DCAF5: variants seen among roughly 807,000 people sequenced by gnomAD.
The protein encoded by DCAF5 is DDB1- and CUL4-associated factor 5.
In DCAF5, 9 loss-of-function variants were observed where a neutral mutation model predicts 80.7. The ratio of observed to expected loss-of-function variants is 0.11; its 90% CI spans 0.07 to 0.19. The LOEUF (loss-of-function observed/expected upper bound fraction) is 0.19, where lower values mean the gene tolerates loss of function less well. DCAF5 is among the 10% of genes least tolerant of loss of function. The pLI is 1.00. For missense variants in DCAF5, 842 were observed against 1,205.7 expected, an observed-to-expected ratio of 0.70 and a Z score of 4.47; for synonymous variants, 433 against 461.9, an observed-to-expected ratio of 0.94 and a Z score of 0.80.
chr14:69,101,295 C>G (rs1306032602), intron 5 of DCAF5, among the ~76,000 whole-genome samples: 1 of 152,220 alleles, frequency 6.6e-6, no homozygotes, highest in Non-Finnish European at 1.5e-5. Flanking sequence ...ACACCCTTCC[C>G]TACAATTCAG....
intron 5 of DCAF5, among the ~76,000 whole-genome samples, chr14:69,107,587 C>G (rs1331857584): frequency 6.6e-6 from 1 of 152,202 alleles, no homozygotes; most frequent in Non-Finnish European, 1.5e-5. Context: ...TGATTCTACA[C>G]CTCCACCTTG....
chr14:69,091,841 T>A lies in DCAF5; in HGVS notation c.712A>T (p.Ser238Cys), dbSNP rs1173181048. 1 of 1,614,018 alleles carries A rather than the reference T, an allele frequency of 6.2e-7. No homozygotes were observed. Among genetic ancestry groups the A allele is most frequent in the East Asian group, 2.2e-5 (1 of 44,836 alleles). The change falls in exon 6 of 9, where the codon AGT (serine) becomes TGT (cysteine). Residue 238 changes from serine to cysteine, a missense_variant. Transcript: ENST00000341516. The part of the protein sequence containing the change: ...GGNLSLQSAM[S>C]VRFNSNGTQL... The stretch of plus-strand genomic sequence containing the variant: ...GTCCCGTTGCTGTTGAATCGTACAC[T>A]CATGGCACTTTGGAGGGACAGGTTT...
chr14:69,054,046 G>A lies in DCAF5; in HGVS notation c.2640C>T (p.His880=). The part of the protein sequence containing the change: ...DNSSLTGTLL[H]KDCCGSEMAC... Reference sequence around the variant, plus strand: ...CCATTTCAGACCCGCAACAATCTTTGTGTAGGAGTGTCCCTGTCAGGGACG... The same window carrying A: ...CCATTTCAGACCCGCAACAATCTTTATGTAGGAGTGTCCCTGTCAGGGACG... The change falls in exon 9 of 9, where the codon CAC becomes CAT. Residue 880 remains histidine, a synonymous_variant. Transcript: ENST00000341516. 1 of 1,613,884 alleles carries A rather than the reference G, an allele frequency of 6.2e-7. No individual in the cohort carries two copies. Among genetic ancestry groups the A allele is most frequent in the Non-Finnish European group, 8.5e-7 (1 of 1,179,796 alleles).
chr14:69,137,501 G>T (rs564688854), intron 1 of DCAF5, among the ~76,000 whole-genome samples: 1 of 151,984 alleles, frequency 6.6e-6, no homozygotes, highest in Non-Finnish European at 1.5e-5. Context: ...AAAATTCCTT[G>T]TATACACAAA....
intron 1 of DCAF5, among the ~76,000 whole-genome samples, chr14:69,151,000 C>G (rs1250902747): frequency 1.3e-5 from 2 of 152,180 alleles, no homozygotes; most frequent in African/African-American, 4.8e-5. Context: ...CCCCCAAACT[C>G]CCTCACTCGG....
chr14:69,120,030 GTTTC>G (rs201797911), intron 2 of DCAF5, among the ~76,000 whole-genome samples: 3 of 151,496 alleles, frequency 2.0e-5, no homozygotes, highest in Non-Finnish European at 2.9e-5. Flanking sequence ...TTTTAAAAAT[GTTTC>G]TTTCTTTCTT....
rs550063886 is a variant in DCAF5, at chr14:69,083,945, CACTCTGA to C, written c.879+7722_879+7728del. ...TCTTATGTAATCTTGTCAATGAAAACACTCTGAAGGCAATAAAAGAAATGGGTTTTAC... is the reference window on the plus strand; with the variant it reads ...TCTTATGTAATCTTGTCAATGAAAACAGGCAATAAAAGAAATGGGTTTTAC... On this transcript the variant is annotated intron_variant, in intron 6 of 8. Coordinates refer to ENST00000341516, the MANE Select transcript of DCAF5 (RefSeq NM_003861.3). 18 of 781,046 alleles carry C rather than the reference CACTCTGA, an allele frequency of 2.3e-5. No homozygotes were observed. The African/African-American group carries it at 2.4e-4, about 10-fold the overall frequency. 48.4% of individuals were successfully genotyped at this position (781,046 alleles called of 1,614,324 possible).
intron 6 of DCAF5, among the ~76,000 whole-genome samples, chr14:69,082,988 C>T (rs73277024): frequency 0.02 from 3,069 of 152,262 alleles, 106 homozygotes; most frequent in African/African-American, 0.071. Flanking sequence ...ACATCAATTC[C>T]ACTTGTTCCT....
rs115844748 is a variant in DCAF5 at position 69,139,411 on chromosome 14, G to C, written c.214+13354C>G. Among the ~76,000 whole-genome samples, 1,333 of 151,784 alleles carry C rather than the reference G, an allele frequency of 8.8e-3. 17 individuals are homozygous for C. Among genetic ancestry groups the C allele is most frequent in the African/African-American group, 0.029 (1,190 of 41,366 alleles). ...GCTACTTGGGAGGCTGAGGCAGGAG[G>C]ATCAATTAAGCTTAGGAGGTCGAAG... On this transcript the variant is annotated intron_variant, in intron 1 of 8. Transcript: ENST00000341516.
At chr14:69,089,905 G>A (rs1055848410) in intron 6 of DCAF5, 8 of 983,422 alleles carry the variant, frequency 8.1e-6, no homozygotes, top group Non-Finnish European at 9.7e-6. Context: ...TAGCCAAAAT[G>A]TTAACAATGA....
intron 7 of DCAF5, among the ~76,000 whole-genome samples, chr14:69,067,871 G>A (rs1046513541): frequency 1.3e-5 from 2 of 151,920 alleles, no homozygotes; most frequent in Admixed American, 6.6e-5. Context: ...TCTTGACCTC[G>A]TGATCTGCCC....
intron 6 of DCAF5, among the ~76,000 whole-genome samples, chr14:69,080,803 A>T (rs2039071581): frequency 6.6e-6 from 1 of 152,226 alleles, no homozygotes; most frequent in Non-Finnish European, 1.5e-5. Flanking sequence ...CAACGTTCAT[A>T]TTTAATACAC....
intron 5 of DCAF5, among the ~76,000 whole-genome samples, chr14:69,103,317 C>A (rs1157340576): frequency 6.6e-6 from 1 of 152,216 alleles, no homozygotes; most frequent in Non-Finnish European, 1.5e-5. Context: ...ATAATACTCA[C>A]TACCCCCAGG....
chr14:69,095,550 T>TAC (rs71102626), intron 5 of DCAF5, among the ~76,000 whole-genome samples: 45,834 of 151,168 alleles, frequency 0.3, 9,170 homozygotes, highest in East Asian at 0.9. Flanking sequence ...TTTTTTTAAG[T>TAC]ACACACACAC....
At chr14:69,122,805 T>A (rs1396689517) in intron 1 of DCAF5, among the ~76,000 whole-genome samples, 1 of 152,208 alleles carries the variant, frequency 6.6e-6, no homozygotes, top group East Asian at 1.9e-4. Context: ...GCAATCTTCT[T>A]GATATGATCT....
chr14:69,123,400 A>T (rs931386274), intron 1 of DCAF5, among the ~76,000 whole-genome samples: 1 of 152,066 alleles, frequency 6.6e-6, no homozygotes, highest in African/African-American at 2.4e-5. Flanking sequence ...GTATGCTTAT[A>T]CTCGCATATC....
chr14:69,120,178 T>C (rs889370515), intron 2 of DCAF5, among the ~76,000 whole-genome samples: 1 of 152,074 alleles, frequency 6.6e-6, no homozygotes, highest in African/African-American at 2.4e-5. Flanking sequence ...TGACCTCCTG[T>C]GCTCAAGCAA....
chr14:69,092,797 A>C (rs2039578886), intron 5 of DCAF5, among the ~76,000 whole-genome samples: 1 of 152,242 alleles, frequency 6.6e-6, no homozygotes, highest in African/African-American at 2.4e-5. Context: ...CAACAATTAG[A>C]AAAGGAAAAT....
intron 1 of DCAF5, chr14:69,149,365 T>A (rs551619540): frequency 1.3e-5 from 2 of 152,344 alleles, no homozygotes; most frequent in South Asian, 4.1e-4. Flanking sequence ...GGTTAAAGTA[T>A]CTTAACGTGT....
Sources: allele counts gnomAD v4.1 joint callset (sites outside exome capture counted in the v4.1 genomes callset), GRCh38; gene constraint gnomAD v4.1.1; transcripts MANE v1.5; gene names NCBI Gene and HGNC (gene_info 2026-07-23, HGNC 2026-07-21).